The following ANK2 variants were observed in gnomAD, a reference collection of about 807,000 sequenced individuals.
ANK2 encodes the protein ankyrin 2.
In ANK2, 83 loss-of-function variants were observed where a neutral mutation model predicts 360.5. The ratio of observed to expected loss-of-function variants is 0.23; its 90% CI spans 0.19 to 0.28. The LOEUF is 0.28. ANK2 is among the 10% of genes least tolerant of loss of function. The probability of loss-of-function intolerance (pLI) is 1.00; values close to 1 mark genes in which losing one functional copy is unlikely to be tolerated. For missense variants in ANK2, 4,201 were observed against 4,795.7 expected, an observed-to-expected ratio of 0.88 and a Z score of 3.66; for synonymous variants, 1,740 against 1,759.5, an observed-to-expected ratio of 0.99 and a Z score of 0.28.
chr4:113,209,459 G>A (rs1201472327), intron 4 of ANK2, among the ~76,000 whole-genome samples: 1 of 151,752 alleles, frequency 6.6e-6, no homozygotes, highest in Non-Finnish European at 1.5e-5. Flanking sequence ...CCCTCTGAAC[G>A]GCCATCTCAA....
At chr4:113,145,960 A>G (rs1275502722) in intron 1 of ANK2, 1 of 1,289,812 alleles carries the variant, frequency 7.8e-7, no homozygotes, top group East Asian at 5.5e-5. Context: ...ACCCCAGACT[A>G]CTATGGCTGT....
chr4:113,323,084 G>A (rs1224029563), intron 26 of ANK2, among the ~76,000 whole-genome samples: 3 of 152,140 alleles, frequency 2.0e-5, no homozygotes, highest in South Asian at 4.1e-4. Flanking sequence ...GGGTTTTACG[G>A]AAGAGCAGAC....
At chr4:112,706,031 G>A in the ANK2 span, among the ~76,000 whole-genome samples, 1 of 151,248 alleles carries the variant, frequency 6.6e-6, no homozygotes, top group East Asian at 2.0e-4. Context: ...TCCGCGGGGC[G>A]CGGCGGCTGC....
At position 113,249,643 on chromosome 4, in the gene ANK2, T is replaced by C. The variant is rs1225394243; in HGVS notation, c.892-121T>C. The C allele has an allele frequency of 8.0e-6, 7 of 879,988 alleles. No individual in the cohort carries two copies. The East Asian group carries it at 1.8e-4, about 23-fold the overall frequency. The allele number at this position is 879,988 out of a possible 1,614,324, so 54.5% of individuals were successfully genotyped here. ...CTGGTTATTTAACAAATTGCAGTTC[T>C]ATTACTTATTTATTGAGTAATCAGG... On this transcript the variant is annotated intron_variant, in intron 9 of 45. Transcript: ENST00000357077.
Position 113,357,095 on chromosome 4 carries a change from A to C in ANK2, c.8477A>C (p.Glu2826Ala). Residue 2826 changes from glutamate (E) to alanine (A), a missense_variant, in exon 38 of 46, where the codon GAG becomes GCG. By Grantham distance (107) the Glu-to-Ala change is moderately radical. Around this residue, in one of 4 missense-constraint regions of ANK2, gnomAD observed 2,642 missense variants for 2,714.5 expected, o/e 0.97. Transcript: ENST00000357077. ...CATGAAAAAGACACAGAGGGAGAAG[A>C]GCTTGATGTTTCTAGAGCAGAATCT... is the stretch of plus-strand genomic sequence containing the variant. ...GTHEKDTEGEELDVSRAESPQ... is the reference protein window; with the variant it reads ...GTHEKDTEGEALDVSRAESPQ... The C allele has an allele frequency of 6.2e-7, 1 of 1,614,080 alleles. No individual in the cohort carries two copies. Among genetic ancestry groups the C allele is most frequent in the Non-Finnish European group, 8.5e-7 (1 of 1,179,962 alleles).
intron 34 of ANK2, 61 bp downstream of exon 34, chr4:113,343,203 C>G (rs2094478945): frequency 6.4e-7 from 1 of 1,567,228 alleles, no homozygotes; most frequent in African/African-American, 1.4e-5. Flanking sequence ...AATTTGACTT[C>G]CTTTAGTAAT....
At chr4:112,976,093 G>A (rs1471691612) in intron 2 of ANK2, among the ~76,000 whole-genome samples, 1 of 150,834 alleles carries the variant, frequency 6.6e-6, no homozygotes, top group East Asian at 1.9e-4. Context: ...AATTCTCTAT[G>A]TCTTCCTTTT....
Position 113,349,814 on chromosome 4 carries a change from C to A in ANK2, c.4405-414C>A, listed in dbSNP as rs190275293. ...ATCTGGAATGCTGGCTTATTATTAA[C>A]GATAATGAAACTACTTCTGTAGAAC... On this transcript the variant is annotated intron_variant, in intron 36 of 45. Transcript: ENST00000357077. Among the ~76,000 whole-genome samples, 43 of 152,154 alleles carry A rather than the reference C, an allele frequency of 2.8e-4. 1 individual carries two copies. Among genetic ancestry groups the A allele is most frequent in the African/African-American group, 9.6e-4 (40 of 41,538 alleles).
intron 2 of ANK2, among the ~76,000 whole-genome samples, chr4:112,955,230 T>C (rs1053553592): frequency 6.6e-6 from 1 of 152,122 alleles, no homozygotes; most frequent in African/African-American, 2.4e-5. Context: ...TTTAAAAAGG[T>C]CAATTATTAC....
chr4:113,365,838 A>C (rs1034384934), intron 41 of ANK2, among the ~76,000 whole-genome samples: 1 of 152,148 alleles, frequency 6.6e-6, no homozygotes, highest in Non-Finnish European at 1.5e-5. Flanking sequence ...TTCCACCACG[A>C]ATCTACCAAC....
chr4:112,742,432 G>A, the ANK2 span, among the ~76,000 whole-genome samples: 6 of 151,492 alleles, frequency 4.0e-5, no homozygotes, highest in South Asian at 1.0e-3. Context: ...GTATTAGGAC[G>A]GCTATGGAGT....
intron 2 of ANK2, among the ~76,000 whole-genome samples, chr4:112,977,641 T>TA (rs34610941): frequency 0.33 from 50,579 of 151,758 alleles, 9,021 homozygotes; most frequent in African/African-American, 0.46. Flanking sequence ...GGTATACACG[T>TA]CCATGGTGGT....
chr4:113,021,530 C>CCCCCCCCACA (rs1554056650), intron 2 of ANK2, among the ~76,000 whole-genome samples: 7 of 13,082 alleles, frequency 5.4e-4, no homozygotes, highest in African/African-American at 1.4e-3. Flanking sequence ...ACACACACAC[C>CCCCCCCCACA]CACACACAAA....
At chr4:112,942,326 T>C (rs1044485833) in intron 2 of ANK2, among the ~76,000 whole-genome samples, 1 of 152,142 alleles carries the variant, frequency 6.6e-6, no homozygotes, top group African/African-American at 2.4e-5. Context: ...TTGTGCCTAA[T>C]GCTTTTCCTG....
At chr4:113,058,170 T>C (rs940305296) in intron 1 of ANK2, among the ~76,000 whole-genome samples, 2 of 152,132 alleles carry the variant, frequency 1.3e-5, no homozygotes, top group African/African-American at 4.8e-5. Context: ...AGCACAATTA[T>C]AGCCAGTGCC....
At position 112,842,448 on chromosome 4, in the gene ANK2, C is replaced by G. The variant is rs575365715; in HGVS notation, c.-40+24184C>G. Among the ~76,000 whole-genome samples the G allele has an allele frequency of 1.5e-4, 23 of 152,276 alleles. No individual in the cohort carries two copies. The South Asian group carries it at 4.8e-3, about 32-fold the overall frequency. On this transcript the variant is annotated intron_variant, in intron 1 of 30. Transcript: ENST00000503271. The stretch of plus-strand genomic sequence containing the variant: ...TTCCTTTACCTTAATCCAGTGGTCC[C>G]CAACCTTTTTGGCACGAGGGACGGG...
Position 113,367,834 on chromosome 4 carries a change from A to G in ANK2, c.11301A>G (p.Glu3767=), listed in dbSNP as rs759156232. 9.9e-6 allele frequency: 16 copies of G among 1,614,046 alleles called. No homozygotes were observed. The South Asian group carries it at 1.2e-4, about 12-fold the overall frequency. The change falls in exon 42 of 46, where the codon GAA becomes GAG. Residue 3767 remains glutamate, a synonymous_variant. Transcript: ENST00000357077. ...ACCTGCCTGAAGAGTCATCTCTGGAATATCAGCAGGAATATTTGTGAGTTT... is the reference window on the plus strand; with the variant it reads ...ACCTGCCTGAAGAGTCATCTCTGGAGTATCAGCAGGAATATTTGTGAGTTT... The part of the protein sequence containing the change: ...MQDLPEESSL[E]YQQEYFVTTP...
chr4:113,273,802 A>G (rs1171129568), intron 14 of ANK2, among the ~76,000 whole-genome samples: 1 of 152,150 alleles, frequency 6.6e-6, no homozygotes, highest in Admixed American at 6.6e-5. Context: ...TCTGTTTTTA[A>G]TGGAAAGTAC....
chr4:112,746,418 GA>G, the ANK2 span, among the ~76,000 whole-genome samples: 1 of 149,744 alleles, frequency 6.7e-6, no homozygotes, highest in African/African-American at 2.5e-5. Flanking sequence ...TCAGGCAGGA[GA>G]ATCGCTTGAA....
Sources: gnomAD v4.1 joint callset for allele counts (sites outside exome capture counted in the v4.1 genomes callset) on GRCh38, gnomAD v4.1.1 for gene constraint, gnomAD v4.1.1 regional missense constraint, MANE v1.5 for transcripts, NCBI Gene and HGNC (gene_info 2026-07-23, HGNC 2026-07-21) for gene names.